The following SEMA6D variants were observed in gnomAD, a reference collection of about 807,000 sequenced individuals.
The protein encoded by SEMA6D is semaphorin-6D.
Under a neutral mutation model 106.6 loss-of-function variants are expected in SEMA6D, and 35 were observed. The ratio of observed to expected loss-of-function variants is 0.33; its 90% CI spans 0.25 to 0.44. The LOEUF is 0.44. Ranked by LOEUF, SEMA6D falls within the 20% of genes least tolerant of loss-of-function variation. The pLI is 1.00. For synonymous variants in SEMA6D, 499 were observed against 487.7 expected, an observed-to-expected ratio of 1.02 and a Z score of -0.31; for missense variants, 1,185 against 1,345.9, an observed-to-expected ratio of 0.88 and a Z score of 1.87.
chr15:47,639,300 A>G (rs1012562851), intron 4 of SEMA6D, among the ~76,000 whole-genome samples: 1 of 152,230 alleles, frequency 6.6e-6, no homozygotes. Flanking sequence ...AAAAGCTCTC[A>G]GTGGACCAAG....
At chr15:47,473,435 C>G (rs1184374677) in intron 3 of SEMA6D, among the ~76,000 whole-genome samples, 1 of 152,130 alleles carries the variant, frequency 6.6e-6, no homozygotes, top group African/African-American at 2.4e-5. Context: ...TGGAAGTCAT[C>G]TACATCACCT....
intron 1 of SEMA6D, among the ~76,000 whole-genome samples, chr15:47,410,778 A>G (rs1328115081): frequency 3.9e-5 from 6 of 152,174 alleles, no homozygotes; most frequent in Admixed American, 2.6e-4. Flanking sequence ...CCTCTTATGC[A>G]CACTCACATT....
intron 3 of SEMA6D, among the ~76,000 whole-genome samples, chr15:47,502,442 C>T (rs749366451): frequency 6.6e-6 from 1 of 152,116 alleles, no homozygotes; most frequent in Non-Finnish European, 1.5e-5. Context: ...TGGTCCTGCC[C>T]CCTAAATGAA....
chr15:47,730,872 G>A, intron 1 of SEMA6D: 3 of 1,134,916 alleles, frequency 2.6e-6, no homozygotes, highest in East Asian at 4.7e-5. Context: ...TTAGCCTCCT[G>A]CTTCTTCACG....
chr15:47,585,495 G>C (rs2076323036), intron 3 of SEMA6D, among the ~76,000 whole-genome samples: 1 of 152,070 alleles, frequency 6.6e-6, no homozygotes, highest in African/African-American at 2.4e-5. Flanking sequence ...AGGTAATATT[G>C]CCTGGGGCTT....
chr15:47,341,260 G>A (rs1595769660), intron 1 of SEMA6D, among the ~76,000 whole-genome samples: 1 of 151,914 alleles, frequency 6.6e-6, no homozygotes, highest in Middle Eastern at 3.2e-3. Flanking sequence ...TGTGGTGGTG[G>A]GCGCCTGTAA....
chr15:47,675,055 G>A (rs1299642204), intron 4 of SEMA6D, among the ~76,000 whole-genome samples: 1 of 152,172 alleles, frequency 6.6e-6, no homozygotes, highest in African/African-American at 2.4e-5. Context: ...AGCCACAGAG[G>A]TGTTCGATCC....
intron 3 of SEMA6D, among the ~76,000 whole-genome samples, chr15:47,573,285 A>G (rs1457935044): frequency 6.6e-6 from 1 of 151,066 alleles, no homozygotes; most frequent in South Asian, 2.1e-4. Flanking sequence ...AACAACTCAC[A>G]AAGTGTTTAT....
intron 1 of SEMA6D, among the ~76,000 whole-genome samples, chr15:47,398,989 A>G (rs2040311031): frequency 6.6e-6 from 1 of 152,154 alleles, no homozygotes; most frequent in African/African-American, 2.4e-5. Flanking sequence ...TTACTGAAAT[A>G]CTGATTTGAA....
At chr15:47,654,226 G>T (rs933058442) in intron 4 of SEMA6D, among the ~76,000 whole-genome samples, 2 of 152,150 alleles carry the variant, frequency 1.3e-5, no homozygotes, top group East Asian at 1.9e-4. Context: ...TGTAATTACA[G>T]TTGACCCTTG....
rs1018980967 is a variant in SEMA6D, at chr15:47,767,023, T to G, written c.1709-14T>G. On this transcript the variant is annotated splice_polypyrimidine_tract_variant and intron_variant, in intron 16 of 18. Transcript: ENST00000536845. ...TTACTTTTCACTGATTACTTGTTCC[T>G]TTAATTCTTTTAGAAATTTTGCCTA... 7 of 1,527,660 alleles carry G rather than the reference T, an allele frequency of 4.6e-6. No individual in the cohort carries two copies. The highest frequency in any genetic ancestry group is 6.2e-6 in the Non-Finnish European group (7 of 1,125,190). The allele number at this position is 1,527,660 out of a possible 1,614,324, so 94.6% of individuals were successfully genotyped here. A position where few individuals can be genotyped will look rare whatever the true frequency, so the allele number is the denominator to read the frequency against.
chr15:47,393,815 A>G (rs947135090), intron 1 of SEMA6D, among the ~76,000 whole-genome samples: 5 of 152,220 alleles, frequency 3.3e-5, no homozygotes, highest in African/African-American at 9.6e-5. Context: ...ATTATTAACA[A>G]TGTTGTCATT....
intron 3 of SEMA6D, among the ~76,000 whole-genome samples, chr15:47,473,437 A>G (rs746227734): frequency 1.3e-5 from 2 of 152,168 alleles, no homozygotes; most frequent in African/African-American, 4.8e-5. Flanking sequence ...GAAGTCATCT[A>G]CATCACCTGT....
At chr15:47,454,666 G>A (rs1447259485) in intron 2 of SEMA6D, among the ~76,000 whole-genome samples, 1 of 151,296 alleles carries the variant, frequency 6.6e-6, no homozygotes, top group Non-Finnish European at 1.5e-5. Flanking sequence ...AGGACATACT[G>A]ACATTATATG....
At chr15:47,720,608 C>A (rs745575184) in intron 1 of SEMA6D, among the ~76,000 whole-genome samples, 6 of 152,148 alleles carry the variant, frequency 3.9e-5, no homozygotes, top group Non-Finnish European at 5.9e-5. Context: ...GGTAAGCAGG[C>A]CCCTACATCA....
intron 1 of SEMA6D, among the ~76,000 whole-genome samples, chr15:47,253,514 T>G (rs2033632505): frequency 6.6e-6 from 1 of 152,182 alleles, no homozygotes; most frequent in Non-Finnish European, 1.5e-5. Flanking sequence ...AATATGTAAT[T>G]GATTTTGAGT....
At position 47,767,160 on chromosome 15, in the gene SEMA6D, C is replaced by T. The variant is rs191910036; in HGVS notation, c.1765+67C>T. 4.2e-3 allele frequency: 4,382 copies of T among 1,033,382 alleles called. 26 individuals are homozygous for T. The highest frequency in any genetic ancestry group is 3.9e-3 in the Non-Finnish European group (2,695 of 690,826). 64.0% of individuals were successfully genotyped at this position (1,033,382 alleles called of 1,614,324 possible). On this transcript the variant is annotated intron_variant, in intron 17 of 18. Coordinates refer to ENST00000536845, the MANE Select transcript of SEMA6D (RefSeq NM_001358351.3). The stretch of plus-strand genomic sequence containing the variant: ...TCCTTCAGTTCAGCATTTTCAGCCC[C>T]TTCTCCCCTCCTTTTGCGCAGTTTG...
At chr15:47,337,746 C>T (rs1038314224) in intron 1 of SEMA6D, among the ~76,000 whole-genome samples, 3 of 152,066 alleles carry the variant, frequency 2.0e-5, no homozygotes, top group Admixed American at 6.6e-5. Flanking sequence ...TCACACTCAG[C>T]GTGGGGAGGA....
chr15:47,711,881 T>C (rs2079030539), intron 4 of SEMA6D, among the ~76,000 whole-genome samples: 1 of 152,234 alleles, frequency 6.6e-6, no homozygotes, highest in Non-Finnish European at 1.5e-5. Context: ...TTTCTGGCAA[T>C]GAATCAGCTC....
Sources: allele counts gnomAD v4.1 joint callset (sites outside exome capture counted in the v4.1 genomes callset), GRCh38; gene constraint gnomAD v4.1.1; transcripts MANE v1.5; gene names NCBI Gene and HGNC (gene_info 2026-07-23, HGNC 2026-07-21).